The following PSMD1 variants were observed in gnomAD, a reference collection of about 807,000 sequenced individuals.
PSMD1 encodes the protein 26S proteasome non-ATPase regulatory subunit 1.
PSMD1 carries 18 observed loss-of-function variants against 119.0 expected under a neutral mutation model. That is an observed-to-expected ratio of 0.15 (90% CI 0.10 to 0.22). The LOEUF (loss-of-function observed/expected upper bound fraction) is 0.22, where lower values mean the gene tolerates loss of function less well. Among genes scored for constraint, PSMD1 ranks in the 10% least tolerant of loss-of-function variants. PSMD1 has a pLI of 1.00. For missense variants in PSMD1, 702 were observed against 1,158.5 expected (o/e 0.61, Z 5.72); for synonymous variants, 374 against 396.6 (o/e 0.94, Z 0.68).
chr2:231,127,047 G>A (rs1414311694), intron 16 of PSMD1, among the ~76,000 whole-genome samples: 3 of 151,820 alleles, frequency 2.0e-5, no homozygotes, highest in South Asian at 2.1e-4. Flanking sequence ...ACGCACAGAC[G>A]TATACACACA....
At chr2:231,089,961 T>A (rs1694547954) in intron 16 of PSMD1, among the ~76,000 whole-genome samples, 1 of 152,164 alleles carries the variant, frequency 6.6e-6, no homozygotes, top group Non-Finnish European at 1.5e-5. Context: ...CATCCTTCAA[T>A]CCAGTCAAGT....
chr2:231,148,104 C>G (rs951277186), intron 18 of PSMD1, among the ~76,000 whole-genome samples: 2 of 152,184 alleles, frequency 1.3e-5, no homozygotes, highest in African/African-American at 4.8e-5. Context: ...ACTACATCTT[C>G]TAGAACATAA....
intron 16 of PSMD1, among the ~76,000 whole-genome samples, chr2:231,098,830 C>G (rs1694794401): frequency 6.6e-6 from 1 of 152,156 alleles, no homozygotes; most frequent in Admixed American, 6.5e-5. Flanking sequence ...TTCTGGATTT[C>G]TGAACTGGTT....
At chr2:231,128,061 T>C (rs1695767736) in intron 16 of PSMD1, among the ~76,000 whole-genome samples, 1 of 152,240 alleles carries the variant, frequency 6.6e-6, no homozygotes, top group South Asian at 2.1e-4. Flanking sequence ...CTAATATTCT[T>C]TATAGGTCTA....
intron 16 of PSMD1, chr2:231,108,373 T>C (rs1020151835): frequency 1.6e-6 from 1 of 642,090 alleles, no homozygotes; most frequent in Admixed American, 2.9e-5. Context: ...TTAGGAAAAT[T>C]AGATATTCTT....
chr2:231,080,740 T>G (rs1246206380), intron 12 of PSMD1, among the ~76,000 whole-genome samples: 1 of 152,228 alleles, frequency 6.6e-6, no homozygotes, highest in African/African-American at 2.4e-5. Context: ...TGTTCTTATT[T>G]TAAGGAACCT....
intron 18 of PSMD1, among the ~76,000 whole-genome samples, chr2:231,150,852 C>T (rs1464815005): frequency 6.6e-6 from 1 of 152,118 alleles, no homozygotes; most frequent in Non-Finnish European, 1.5e-5. Context: ...GCTACATTTC[C>T]ATAACCAGGA....
intron 16 of PSMD1, among the ~76,000 whole-genome samples, chr2:231,124,697 T>C (rs1471721963): frequency 2.0e-5 from 3 of 152,216 alleles, no homozygotes; most frequent in Non-Finnish European, 4.4e-5. Flanking sequence ...TTTGCCAAAT[T>C]CAAACCAGTT....
At chr2:231,102,857 C>T (rs776289388) in intron 16 of PSMD1, among the ~76,000 whole-genome samples, 1 of 152,024 alleles carries the variant, frequency 6.6e-6, no homozygotes, top group Non-Finnish European at 1.5e-5. Context: ...CCTGTTATAG[C>T]TTATTTGTTA....
At chr2:231,130,301 T>C (rs1184694795) in intron 16 of PSMD1, among the ~76,000 whole-genome samples, 1 of 152,208 alleles carries the variant, frequency 6.6e-6, no homozygotes, top group Non-Finnish European at 1.5e-5. Flanking sequence ...TTAAATAACA[T>C]ATCAAAACAT....
At chr2:231,136,406 A>C (rs990648261) in intron 16 of PSMD1, among the ~76,000 whole-genome samples, 1 of 152,240 alleles carries the variant, frequency 6.6e-6, no homozygotes, top group African/African-American at 2.4e-5. Context: ...TGTAGGCCAA[A>C]TAAAATCTGC....
chr2:231,152,311 A>G (rs1696393269), intron 18 of PSMD1, among the ~76,000 whole-genome samples: 1 of 152,180 alleles, frequency 6.6e-6, no homozygotes, highest in Non-Finnish European at 1.5e-5. Context: ...AAGGAATATT[A>G]TTTTGTTAGT....
At chr2:231,058,453 A>G (rs1000850937) in intron 1 of PSMD1, among the ~76,000 whole-genome samples, 9 of 151,934 alleles carry the variant, frequency 5.9e-5, no homozygotes, top group African/African-American at 1.7e-4. Flanking sequence ...GCCGTGTCCA[A>G]CCCTTTGAAT....
At chr2:231,123,274 G>C in intron 16 of PSMD1, 1 of 721,824 alleles carries the variant, frequency 1.4e-6, no homozygotes, top group Non-Finnish European at 2.5e-6. Context: ...TAAAACAAGG[G>C]ACTGTTTACT....
intron 21 of PSMD1, among the ~76,000 whole-genome samples, chr2:231,164,440 T>A (rs1696709868): frequency 6.6e-6 from 1 of 152,226 alleles, no homozygotes. Context: ...AGTAAAATTA[T>A]ACTTTTTTTG....
intron 16 of PSMD1, among the ~76,000 whole-genome samples, chr2:231,130,423 C>A (rs1695826756): frequency 6.6e-6 from 1 of 152,152 alleles, no homozygotes; most frequent in African/African-American, 2.4e-5. Context: ...AGTGTTTTTC[C>A]TGTGACTTGA....
chr2:231,061,409 C>T, intron 2 of PSMD1, 99 bp downstream of exon 2: 1 of 1,053,420 alleles, frequency 9.5e-7, no homozygotes, highest in Non-Finnish European at 1.4e-6. Flanking sequence ...AAGTTGCTGT[C>T]CTAGCTGGCT....
At chr2:231,172,385 T>C (rs1358534156) in intron 24 of PSMD1, 150 bp from the exon 25 acceptor site, 1 of 152,352 alleles carries the variant, frequency 6.6e-6, no homozygotes, top group East Asian at 1.9e-4. Flanking sequence ...AACTATAATC[T>C]GTCGTGGCAC....
chr2:231,091,407 C>T (rs2125182733), intron 16 of PSMD1, among the ~76,000 whole-genome samples: 1 of 152,290 alleles, frequency 6.6e-6, no homozygotes, highest in African/African-American at 2.4e-5. Context: ...ATAAGGTTTG[C>T]ATCTTTCCCT....
Sources: gnomAD v4.1 joint callset for allele counts (sites outside exome capture counted in the v4.1 genomes callset) on GRCh38, gnomAD v4.1.1 for gene constraint, MANE v1.5 for transcripts, NCBI Gene and HGNC (gene_info 2026-07-23, HGNC 2026-07-21) for gene names.